The following PHLPP2 variants were observed in gnomAD, a reference collection of about 807,000 sequenced individuals.
PHLPP2 encodes PH domain and leucine rich repeat protein phosphatase 2.
A neutral mutation model predicts 124.9 loss-of-function variants in PHLPP2; 66 were observed. The observed-to-expected ratio is 0.53, with a 90% CI of 0.43 to 0.65. The LOEUF (loss-of-function observed/expected upper bound fraction) is 0.65. Ranked by LOEUF, PHLPP2 falls within the 30% of genes least tolerant of loss-of-function variation. The probability of loss-of-function intolerance (pLI) is 0.00; values close to 1 mark genes in which losing one functional copy is unlikely to be tolerated. For synonymous variants in PHLPP2, 681 were observed against 624.7 expected (o/e 1.09, Z -1.34); for missense variants, 1,685 against 1,600.4 (o/e 1.05, Z -0.90).
rs747006796 is a variant in PHLPP2, at chr16:71,656,622, G to A, written c.2339C>T (p.Thr780Met). ...CAGTCCATGGCTCCAGAAGGTTGAC[G>A]TAACTGTAGAATCTGTGGTTGGCAA... ...KPLPTTDSTV[T>M]STFWSHGLAE... The change falls in exon 16 of 19, where the codon ACG becomes ATG. Residue 780 changes from threonine (T) to methionine (M), a missense_variant. By Grantham distance (81) the Thr-to-Met change is moderately conservative. Coordinates refer to ENST00000568954, the MANE Select transcript of PHLPP2 (RefSeq NM_015020.3). 20 of 1,613,536 alleles carry A rather than the reference G, an allele frequency of 1.2e-5. No homozygotes were observed. The highest frequency in any genetic ancestry group is 1.6e-4 in the Middle Eastern group (1 of 6,084).
intron 9 of PHLPP2, among the ~76,000 whole-genome samples, 154 bp from the exon 10 acceptor site, chr16:71,672,476 T>A (rs911359932): frequency 6.6e-6 from 1 of 152,248 alleles, no homozygotes; most frequent in African/African-American, 2.4e-5. Flanking sequence ...AAAACTCACT[T>A]TGACTAACTG....
At chr16:71,656,527 G>A in intron 16 of PHLPP2, 44 bp downstream of exon 16, 1 of 1,127,768 alleles carries the variant, frequency 8.9e-7, no homozygotes, top group Non-Finnish European at 1.4e-6. Flanking sequence ...AGATGCCAGG[G>A]GCTGCCTTTT....
chr16:71,660,611 G>C (rs918592778), intron 13 of PHLPP2, among the ~76,000 whole-genome samples: 2 of 151,752 alleles, frequency 1.3e-5, no homozygotes, highest in East Asian at 1.9e-4. Context: ...ATTTTTAGTA[G>C]AGATGGATGG....
At chr16:71,705,797 A>T (rs1218152873) in intron 2 of PHLPP2, among the ~76,000 whole-genome samples, 1 of 152,256 alleles carries the variant, frequency 6.6e-6, no homozygotes, top group Non-Finnish European at 1.5e-5. Context: ...GGCATGAGCC[A>T]CCACACCCAG....
At chr16:71,653,724 C>T (rs750977202) in intron 17 of PHLPP2, among the ~76,000 whole-genome samples, 1 of 152,174 alleles carries the variant, frequency 6.6e-6, no homozygotes, top group African/African-American at 2.4e-5. Context: ...CAATTCCTGG[C>T]TTGAGTTGCT....
At chr16:71,677,455 T>C (rs1417264447) in intron 8 of PHLPP2, 1 of 258 alleles carries the variant, frequency 3.9e-3, no homozygotes, top group Non-Finnish European at 0.011. Context: ...AATCTGCACA[T>C]ATATATATAT....
chr16:71,717,503 A>G (rs758307231), intron 1 of PHLPP2, among the ~76,000 whole-genome samples: 25 of 152,166 alleles, frequency 1.6e-4, no homozygotes, highest in Non-Finnish European at 2.8e-4. Context: ...CATCAAATGC[A>G]TTTTCTCAAA....
At chr16:71,717,671 T>C (rs2045371876) in intron 1 of PHLPP2, among the ~76,000 whole-genome samples, 1 of 152,198 alleles carries the variant, frequency 6.6e-6, no homozygotes, top group Non-Finnish European at 1.5e-5. Context: ...ATACTCCTCA[T>C]TTTTTAATCT....
Position 71,658,788 on chromosome 16 carries a change from C to T in PHLPP2, c.2013G>A (p.Glu671=), listed in dbSNP as rs746649175. The T allele has an allele frequency of 8.7e-6, 14 of 1,613,948 alleles. No homozygotes were observed. The highest frequency in any genetic ancestry group is 1.7e-5 in the Admixed American group (1 of 59,986). Residue 671 remains glutamate (E), a synonymous_variant, in exon 14 of 19, where the codon GAG becomes GAA. Transcript: ENST00000568954. ...ASKLNKLEQL[E]ELNLSGNKLK... ...GCTTGTTGCCACTTAGGTTCAGTTC[C>T]TCCAATTGCTCCAATTTATTTAGTT... is the stretch of plus-strand genomic sequence containing the variant.
At chr16:71,697,380 T>C (rs138027812) in intron 3 of PHLPP2, among the ~76,000 whole-genome samples, 68 of 152,026 alleles carry the variant, frequency 4.5e-4, no homozygotes, top group African/African-American at 1.5e-3. Context: ...GTCCACTCCA[T>C]ACAATGGAAG....
intron 1 of PHLPP2, among the ~76,000 whole-genome samples, chr16:71,721,833 T>C (rs1405424804): frequency 2.0e-5 from 3 of 152,168 alleles, no homozygotes; most frequent in Non-Finnish European, 4.4e-5. Flanking sequence ...AGCAATTCGC[T>C]AAATAAATCT....
At chr16:71,685,053 C>T (rs1354295706) in intron 4 of PHLPP2, among the ~76,000 whole-genome samples, 3 of 152,174 alleles carry the variant, frequency 2.0e-5, no homozygotes, top group South Asian at 2.1e-4. Flanking sequence ...CTCGGCCAGG[C>T]GTGGTGGCTC....
intron 2 of PHLPP2, among the ~76,000 whole-genome samples, chr16:71,710,064 A>C (rs1440335408): frequency 6.6e-6 from 1 of 152,044 alleles, no homozygotes; most frequent in Non-Finnish European, 1.5e-5. Flanking sequence ...GCCCAGGCTG[A>C]TCTAGGACTC....
At chr16:71,721,554 C>T (rs1299980364) in intron 1 of PHLPP2, among the ~76,000 whole-genome samples, 1 of 152,044 alleles carries the variant, frequency 6.6e-6, no homozygotes, top group East Asian at 1.9e-4. Context: ...ATGATCACAC[C>T]ACTGCACTCC....
At chr16:71,656,809 G>A (rs1259769192) in intron 15 of PHLPP2, 128 bp from the exon 16 acceptor site, 2 of 575,108 alleles carry the variant, frequency 3.5e-6, no homozygotes, top group Non-Finnish European at 6.2e-6. Flanking sequence ...GGAGTGCAGT[G>A]GTGTGACCTC....
chr16:71,714,006 C>T (rs1352810454), intron 2 of PHLPP2, among the ~76,000 whole-genome samples: 2 of 147,098 alleles, frequency 1.4e-5, no homozygotes, highest in East Asian at 4.0e-4. Context: ...GTGGCATGAT[C>T]TCGGCTCACC....
At position 71,681,876 on chromosome 16, in the gene PHLPP2, A is replaced by G; in HGVS notation, c.765T>C (p.Asp255=). The change falls in exon 6 of 19, where the codon GAT becomes GAC. Residue 255 remains aspartate (D), a synonymous_variant. Transcript: ENST00000568954. ...CCTCCTCGAGGCTGTAACACGAGAG[A>G]TCCACGGTACTGATTCGCTGGGACA... is the stretch of plus-strand genomic sequence containing the variant. ...KVVSQRISTV[D]LSCYSLEEVP... is the part of the protein sequence containing the mutation. 6.2e-7 allele frequency: 1 copy of G among 1,613,732 alleles called. No homozygotes were observed. Among genetic ancestry groups the G allele is most frequent in the South Asian group, 1.1e-5 (1 of 90,984 alleles).
At chr16:71,692,877 G>T (rs2045129517) in intron 3 of PHLPP2, among the ~76,000 whole-genome samples, 1 of 151,894 alleles carries the variant, frequency 6.6e-6, no homozygotes, top group African/African-American at 2.4e-5. Flanking sequence ...ACGACTGACT[G>T]TATTCTAAAT....
chr16:71,685,740 C>G (rs1000946527), intron 4 of PHLPP2, among the ~76,000 whole-genome samples: 1 of 152,042 alleles, frequency 6.6e-6, no homozygotes, highest in Non-Finnish European at 1.5e-5. Context: ...TTTTGGAATG[C>G]TTGACATTGA....
Sources: gnomAD v4.1 joint callset for allele counts (sites outside exome capture counted in the v4.1 genomes callset) on GRCh38, gnomAD v4.1.1 for gene constraint, MANE v1.5 for transcripts, NCBI Gene and HGNC (gene_info 2026-07-23, HGNC 2026-07-21) for gene names.